The following SEMA3A variants were observed in gnomAD, a reference collection of about 807,000 sequenced individuals.
SEMA3A encodes the protein semaphorin 3A, also known as semaphorin-3A.
A neutral mutation model predicts 97.9 loss-of-function variants in SEMA3A; 29 were observed. The observed-to-expected ratio is 0.30, with a 90% CI of 0.22 to 0.40. The LOEUF is 0.40. SEMA3A is among the 10% of genes least tolerant of loss of function. SEMA3A has a pLI of 1.00. For missense variants in SEMA3A, 763 were observed against 951.3 expected, an observed-to-expected ratio of 0.80 and a Z score of 2.60; for synonymous variants, 321 against 323.7, an observed-to-expected ratio of 0.99 and a Z score of 0.09.
At chr7:84,432,308 T>A (rs1262897160) in intron 1 of SEMA3A, among the ~76,000 whole-genome samples, 1 of 152,130 alleles carries the variant, frequency 6.6e-6, no homozygotes, top group Non-Finnish European at 1.5e-5. Flanking sequence ...GTGCTATAAA[T>A]CATTTAGTTT....
At chr7:84,288,020 T>A (rs1800635652) in intron 3 of SEMA3A, among the ~76,000 whole-genome samples, 1 of 152,224 alleles carries the variant, frequency 6.6e-6, no homozygotes, top group Non-Finnish European at 1.5e-5. Context: ...AGATACAATG[T>A]GTAGTCCAAT....
At chr7:84,285,632 C>T (rs562418759) in intron 3 of SEMA3A, among the ~76,000 whole-genome samples, 109 of 152,000 alleles carry the variant, frequency 7.2e-4, no homozygotes, top group African/African-American at 2.6e-3. Context: ...ACCTTTGGTT[C>T]TCATAAGGGA....
At chr7:84,338,526 A>T (rs1357774912) in intron 2 of SEMA3A, among the ~76,000 whole-genome samples, 2 of 152,250 alleles carry the variant, frequency 1.3e-5, no homozygotes, top group East Asian at 3.9e-4. Flanking sequence ...GCTTAAAGAA[A>T]TGTTAAAGTT....
At chr7:84,488,040 G>C (rs913732209) in intron 1 of SEMA3A, among the ~76,000 whole-genome samples, 2 of 151,690 alleles carry the variant, frequency 1.3e-5, no homozygotes, top group East Asian at 3.9e-4. Context: ...ATAATAATAT[G>C]GACTGTTAAA....
intron 6 of SEMA3A, among the ~76,000 whole-genome samples, chr7:84,016,585 A>G (rs1201369034): frequency 1.3e-5 from 2 of 151,910 alleles, no homozygotes; most frequent in Non-Finnish European, 2.9e-5. Context: ...GCAGTGATTT[A>G]ATTTAGTCAC....
At chr7:84,297,795 A>G (rs1448668774) in intron 3 of SEMA3A, among the ~76,000 whole-genome samples, 1 of 152,186 alleles carries the variant, frequency 6.6e-6, no homozygotes, top group Non-Finnish European at 1.5e-5. Context: ...AAATTGTTGC[A>G]AAGTCCAGCT....
In SEMA3A at chr7:84,367,676, G is replaced by C. The variant is rs922834297; in HGVS notation, c.-169+4148C>G. Among the ~76,000 whole-genome samples, 4 of 150,818 alleles carry C rather than the reference G, an allele frequency of 2.7e-5. No individual in the cohort carries two copies. In the Admixed American group the frequency reaches 2.7e-4, roughly 10 times the overall value. ...GAAAACATTTCAGACAGGAATAATG[G>C]AATGAAAAAGGCAGATAGGTGAGAA... On this transcript the variant is annotated intron_variant, in intron 2 of 3. Coordinates refer to the SEMA3A transcript ENST00000424555.
chr7:84,105,272 G>A (rs1167015731), intron 4 of SEMA3A, among the ~76,000 whole-genome samples: 1 of 152,126 alleles, frequency 6.6e-6, no homozygotes, highest in Admixed American at 6.6e-5. Flanking sequence ...ACTAGAATGG[G>A]TTAGATTAGA....
At chr7:84,087,816 C>T (rs1024078123) in intron 4 of SEMA3A, among the ~76,000 whole-genome samples, 4 of 152,178 alleles carry the variant, frequency 2.6e-5, no homozygotes, top group Non-Finnish European at 5.9e-5. Context: ...ACCTATTGCA[C>T]AGCATTTTAT....
At chr7:84,160,844 C>T (rs1420653356) in intron 1 of SEMA3A, among the ~76,000 whole-genome samples, 1 of 152,014 alleles carries the variant, frequency 6.6e-6, no homozygotes, top group Non-Finnish European at 1.5e-5. Flanking sequence ...CCCGCCATTG[C>T]ACTCCAGCCT....
At chr7:84,200,660 C>G (rs1798332698) in intron 3 of SEMA3A, among the ~76,000 whole-genome samples, 1 of 152,126 alleles carries the variant, frequency 6.6e-6, no homozygotes, top group South Asian at 2.1e-4. Context: ...GGCATTTTCT[C>G]TTTGCCATTT....
intron 3 of SEMA3A, among the ~76,000 whole-genome samples, chr7:84,210,130 T>G (rs1408543241): frequency 6.6e-6 from 1 of 152,196 alleles, no homozygotes; most frequent in Non-Finnish European, 1.5e-5. Context: ...TTTTCAGCCC[T>G]GGAATCATTT....
intron 4 of SEMA3A, among the ~76,000 whole-genome samples, chr7:84,080,252 G>A (rs1233703331): frequency 4.0e-5 from 6 of 148,640 alleles, no homozygotes; most frequent in Admixed American, 6.7e-5. Flanking sequence ...CCCTAATGCT[G>A]AATGATGAGT....
intron 3 of SEMA3A, among the ~76,000 whole-genome samples, chr7:84,127,757 C>T (rs1795844938): frequency 6.6e-6 from 1 of 152,124 alleles, no homozygotes; most frequent in Non-Finnish European, 1.5e-5. Context: ...TAAACATATA[C>T]ATCATTGTAG....
intron 4 of SEMA3A, among the ~76,000 whole-genome samples, chr7:84,067,411 A>C (rs939541805): frequency 1.3e-5 from 2 of 152,124 alleles, no homozygotes; most frequent in Non-Finnish European, 2.9e-5. Context: ...CAAAAGCCAA[A>C]ATTGACAAAT....
At chr7:84,416,782 C>T (rs1804447942) in intron 1 of SEMA3A, among the ~76,000 whole-genome samples, 1 of 152,088 alleles carries the variant, frequency 6.6e-6, no homozygotes, top group East Asian at 1.9e-4. Flanking sequence ...TTGTTGTTCT[C>T]AAGTGTTCTC....
intron 3 of SEMA3A, among the ~76,000 whole-genome samples, chr7:84,202,590 G>A (rs1798382607): frequency 1.3e-5 from 2 of 152,042 alleles, no homozygotes; most frequent in Non-Finnish European, 1.5e-5. Context: ...GCAATCCAGC[G>A]CACTTAATTT....
intron 1 of SEMA3A, among the ~76,000 whole-genome samples, chr7:84,459,798 C>T (rs534662404): frequency 1.3e-5 from 2 of 152,200 alleles, no homozygotes; most frequent in Non-Finnish European, 2.9e-5. Context: ...GAGGCCAAAG[C>T]GGGTGGGTGA....
rs182112395 is a variant in SEMA3A at position 84,360,824 on chromosome 7, C to T, written c.-169+11000G>A. Among the ~76,000 whole-genome samples the T allele has an allele frequency of 4.4e-4, 67 of 151,874 alleles. No individual in the cohort carries two copies. The South Asian group carries it at 6.9e-3, about 16-fold the overall frequency. On this transcript the variant is annotated intron_variant, in intron 2 of 3. Transcript: ENST00000424555. ...TTTTTTATTTTTTTTGAGAGTGTCT[C>T]GCTGTGTCACCCAGGCTGGAGTGCA...
Sources: allele counts gnomAD v4.1 joint callset (sites outside exome capture counted in the v4.1 genomes callset), GRCh38; gene constraint gnomAD v4.1.1; transcripts MANE v1.5; gene names NCBI Gene and HGNC (gene_info 2026-07-23, HGNC 2026-07-21).